The following GRIN3A variants were observed in gnomAD, a reference collection of about 807,000 sequenced individuals.
GRIN3A encodes the protein glutamate receptor ionotropic, NMDA 3A.
GRIN3A carries 47 observed loss-of-function variants against 92.4 expected under a neutral mutation model. The ratio of observed to expected loss-of-function variants is 0.51; its 90% CI spans 0.40 to 0.65. The LOEUF is 0.65. GRIN3A is among the 30% of genes least tolerant of loss of function. The pLI is 0.00. For missense variants in GRIN3A, 1,324 were observed against 1,393.1 expected (o/e 0.95, Z 0.79); for synonymous variants, 527 against 540.6 (o/e 0.97, Z 0.35).
At chr9:101,720,472 G>C (rs7862148) in intron 1 of GRIN3A, among the ~76,000 whole-genome samples, 91,085 of 151,866 alleles carry the variant, frequency 0.6, 28,142 homozygotes, top group African/African-American at 0.76. Context: ...TTCTCCTCCC[G>C]ACTCCATATC....
At chr9:101,712,301 T>C (rs984469245) in intron 1 of GRIN3A, among the ~76,000 whole-genome samples, 2 of 152,182 alleles carry the variant, frequency 1.3e-5, no homozygotes, top group African/African-American at 4.8e-5. Flanking sequence ...AGAAAGATCT[T>C]GATTTTGCAC....
In GRIN3A at chr9:101,737,571, G is replaced by T. The variant is rs769491656; in HGVS notation, c.409C>A (p.Arg137Ser). 6.2e-7 allele frequency: 1 copy of T among 1,614,186 alleles called. No individual in the cohort carries two copies. The highest frequency in any genetic ancestry group is 8.5e-7 in the Non-Finnish European group (1 of 1,180,022). ...ALLFAVDNLNRVEGLLPYNLS... is the reference protein window; with the variant it reads ...ALLFAVDNLNSVEGLLPYNLS... ...TTGTAGGGTAGCAGCCCTTCCACGC[G>T]GTTCAGGTTGTCCACGGCAAATAGG... Residue 137 changes from arginine (R) to serine (S), a missense_variant, in exon 1 of 9, where the codon CGC (arginine) becomes AGC (serine). Transcript: ENST00000361820.
At chr9:101,595,079 G>A in intron 6 of GRIN3A, 3 of 725,208 alleles carry the variant, frequency 4.1e-6, no homozygotes. Context: ...AGCGGAGGGA[G>A]GGGCGGCAGG....
chr9:101,707,573 A>G (rs1829828498), intron 1 of GRIN3A, among the ~76,000 whole-genome samples: 1 of 152,224 alleles, frequency 6.6e-6, no homozygotes, highest in Non-Finnish European at 1.5e-5. Flanking sequence ...TTTTAAAGCT[A>G]AACTATTTTT....
At chr9:101,638,556 G>T (rs1828813148) in intron 3 of GRIN3A, among the ~76,000 whole-genome samples, 1 of 152,134 alleles carries the variant, frequency 6.6e-6, no homozygotes, top group African/African-American at 2.4e-5. Flanking sequence ...TTCACCACTG[G>T]TGCTGCCAAC....
chr9:101,692,905 C>T (rs1448108236), intron 1 of GRIN3A, among the ~76,000 whole-genome samples: 1 of 152,066 alleles, frequency 6.6e-6, no homozygotes, highest in East Asian at 1.9e-4. Context: ...AAGGTGTAGT[C>T]CCTGCCCAGA....
At chr9:101,660,388 C>T (rs1239525250) in intron 3 of GRIN3A, among the ~76,000 whole-genome samples, 1 of 151,786 alleles carries the variant, frequency 6.6e-6, no homozygotes, top group Non-Finnish European at 1.5e-5. Context: ...GAGAGGTGCT[C>T]CCACCCTCTA....
chr9:101,708,245 C>T (rs1193855092), intron 1 of GRIN3A, among the ~76,000 whole-genome samples: 1 of 152,092 alleles, frequency 6.6e-6, no homozygotes, highest in Non-Finnish European at 1.5e-5. Flanking sequence ...GATTTTAAGA[C>T]TTGAATAGTA....
At chr9:101,632,517 A>G (rs559914724) in intron 3 of GRIN3A, among the ~76,000 whole-genome samples, 1 of 152,338 alleles carries the variant, frequency 6.6e-6, no homozygotes, top group East Asian at 1.9e-4. Context: ...AAGAGAATGA[A>G]TGAAATTCTC....
chr9:101,732,568 A>C (rs1425601249), intron 1 of GRIN3A, among the ~76,000 whole-genome samples: 1 of 151,970 alleles, frequency 6.6e-6, no homozygotes, highest in Non-Finnish European at 1.5e-5. Context: ...TTGTTTGTTT[A>C]TTTCTAAGCC....
chr9:101,595,819 C>T (rs749804480), intron 6 of GRIN3A, among the ~76,000 whole-genome samples: 3 of 152,278 alleles, frequency 2.0e-5, no homozygotes, highest in Non-Finnish European at 4.4e-5. Flanking sequence ...TGGTGCCTGG[C>T]GGCTATTCTG....
intron 7 of GRIN3A, among the ~76,000 whole-genome samples, 154 bp from the exon 8 acceptor site, chr9:101,577,998 A>C (rs1321258781): frequency 6.6e-6 from 1 of 152,238 alleles, no homozygotes; most frequent in Non-Finnish European, 1.5e-5. Context: ...ATCAACATTC[A>C]GCCTCAAATC....
At chr9:101,689,395 A>G (rs896358195) in intron 1 of GRIN3A, among the ~76,000 whole-genome samples, 14 of 152,204 alleles carry the variant, frequency 9.2e-5, no homozygotes, top group Admixed American at 2.0e-4. Context: ...TAGGAAGTTG[A>G]ATTAGCTAAT....
At chr9:101,626,415 G>C (rs1828635579) in intron 4 of GRIN3A, among the ~76,000 whole-genome samples, 1 of 152,134 alleles carries the variant, frequency 6.6e-6, no homozygotes, top group Admixed American at 6.5e-5. Context: ...CAATGCTAGG[G>C]GTTGTGCCTT....
rs758583118 is a variant in GRIN3A, at chr9:101,670,924, C to G, written c.1488G>C (p.Trp496Cys). 2.5e-6 allele frequency: 4 copies of G among 1,613,746 alleles called. No homozygotes were observed. The South Asian group carries it at 4.4e-5, about 18-fold the overall frequency. The change falls in exon 3 of 9, where the codon TGG becomes TGC. Residue 496 changes from tryptophan to cysteine, a missense_variant. Physicochemically the swap from Trp to Cys is radical, Grantham distance 215. Transcript: ENST00000361820. ...TTTTGTGTCTCTGGGCCTGCTCTGG[C>G]CATATTCCATAGTCCATGACAATCT... ...GGKIVMDYGIWPEQAQRHKTH... is the reference protein window; with the variant it reads ...GGKIVMDYGICPEQAQRHKTH...
At chr9:101,694,782 C>G (rs963751664) in intron 1 of GRIN3A, among the ~76,000 whole-genome samples, 14 of 152,134 alleles carry the variant, frequency 9.2e-5, no homozygotes, top group African/African-American at 3.4e-4. Context: ...CTTAGGAGGG[C>G]AGTCTGTTCA....
chr9:101,737,734 C>G lies in GRIN3A; in HGVS notation c.246G>C (p.Glu82Asp). Reference protein sequence around the residue: ...SRAGAQRDEPEPGTRRSPAPS... With the variant: ...SRAGAQRDEPDPGTRRSPAPS... ...GCGCCGGGGACCGCCTAGTCCCTGG[C>G]TCCGGCTCATCCCTCTGGGCTCCTG... Residue 82 changes from glutamate (E) to aspartate (D), a missense_variant, in exon 1 of 9, where the codon GAG (glutamate) becomes GAC (aspartate). Coordinates refer to ENST00000361820, the MANE Select transcript of GRIN3A (RefSeq NM_133445.3). The G allele has an allele frequency of 2.6e-6, 4 of 1,527,800 alleles. No homozygotes were observed. In the South Asian group the frequency reaches 4.8e-5, roughly 19 times the overall value. 94.6% of individuals were successfully genotyped at this position (1,527,800 alleles called of 1,614,324 possible). A position where few individuals can be genotyped will look rare whatever the true frequency, so the allele number is the denominator to read the frequency against.
intron 3 of GRIN3A, among the ~76,000 whole-genome samples, chr9:101,641,717 A>G (rs1254524741): frequency 6.6e-6 from 1 of 152,022 alleles, no homozygotes; most frequent in African/African-American, 2.4e-5. Flanking sequence ...CCAACATGGC[A>G]CATGTATACA....
At chr9:101,646,904 C>A (rs1470997313) in intron 3 of GRIN3A, among the ~76,000 whole-genome samples, 1 of 149,060 alleles carries the variant, frequency 6.7e-6, no homozygotes, top group East Asian at 2.0e-4. Flanking sequence ...TTTGTAGAGT[C>A]TTTAGGGCTT....
Sources: gnomAD v4.1 joint callset for allele counts (sites outside exome capture counted in the v4.1 genomes callset) on GRCh38, gnomAD v4.1.1 for gene constraint, MANE v1.5 for transcripts, NCBI Gene and HGNC (gene_info 2026-07-23, HGNC 2026-07-21) for gene names.